The following PIGN variants were observed in gnomAD, a reference collection of about 807,000 sequenced individuals.
The protein encoded by PIGN is phosphatidylinositol glycan anchor biosynthesis class N.
PIGN carries 117 observed loss-of-function variants against 125.4 expected under a neutral mutation model. The ratio of observed to expected loss-of-function variants is 0.93; its 90% CI spans 0.80 to 1.09. The LOEUF is 1.09. Ranked by LOEUF, PIGN falls within the 50% of genes least tolerant of loss-of-function variation. The pLI, the probability that PIGN is intolerant of heterozygous loss-of-function variation, is 0.00. For missense variants in PIGN, 1,075 were observed against 1,094.9 expected, an observed-to-expected ratio of 0.98 and a Z score of 0.26; for synonymous variants, 392 against 377.8, an observed-to-expected ratio of 1.04 and a Z score of -0.44.
intron 13 of PIGN, 27 bp downstream of exon 13, chr18:62,138,956 G>T (rs749711966): frequency 1.7e-6 from 2 of 1,209,396 alleles, no homozygotes; most frequent in East Asian, 2.4e-5. Flanking sequence ...CCATTTTTGT[G>T]CGTGCCTTTT....
At chr18:62,084,666 T>A in intron 26 of PIGN, 60 bp from the exon 27 acceptor site, 1 of 1,054,822 alleles carries the variant, frequency 9.5e-7, no homozygotes, top group Middle Eastern at 2.0e-4. Flanking sequence ...TAAAAGAATA[T>A]TCTTCTAAAA....
At chr18:62,144,187 G>A (rs1238795853) in intron 10 of PIGN, among the ~76,000 whole-genome samples, 1 of 152,080 alleles carries the variant, frequency 6.6e-6, no homozygotes, top group Non-Finnish European at 1.5e-5. Context: ...ATTCTAAAAC[G>A]TCAATTCAAC....
At chr18:62,076,785 T>A (rs2033195053) in intron 28 of PIGN, among the ~76,000 whole-genome samples, 1 of 152,226 alleles carries the variant, frequency 6.6e-6, no homozygotes. Context: ...ACTGATCATA[T>A]CTTACTGAAG....
At chr18:62,091,703 G>A (rs1351925211) in intron 23 of PIGN, among the ~76,000 whole-genome samples, 1 of 152,128 alleles carries the variant, frequency 6.6e-6, no homozygotes, top group African/African-American at 2.4e-5. Flanking sequence ...AGTGATAGAA[G>A]CCTTTTCTAA....
chr18:62,062,882 CTT>C (rs71160811), intron 30 of PIGN, among the ~76,000 whole-genome samples: 1 of 21,066 alleles, frequency 4.7e-5, no homozygotes. Context: ...TTGTATTCTG[CTT>C]TTTTTTTTTT....
downstream of PIGN, among the ~76,000 whole-genome samples, chr18:62,038,345 G>C (rs1451610556): frequency 8.8e-6 from 1 of 114,134 alleles, no homozygotes; most frequent in Non-Finnish European, 1.6e-5. Flanking sequence ...ATTACTTACT[G>C]GGAGGTTACT....
intron 30 of PIGN, among the ~76,000 whole-genome samples, chr18:62,048,008 G>A (rs543311495): frequency 4.9e-4 from 75 of 152,220 alleles, no homozygotes; most frequent in African/African-American, 1.7e-3. Flanking sequence ...CAAAGAAGAT[G>A]TAAATAAGAA....
chr18:62,091,236 T>C (rs1258843325), intron 23 of PIGN, among the ~76,000 whole-genome samples: 2 of 151,872 alleles, frequency 1.3e-5, no homozygotes, highest in Admixed American at 1.3e-4. Flanking sequence ...CCCAGCTAAC[T>C]CGGGAGGCTG....
Position 62,045,123 on chromosome 18 carries a change from A to C in PIGN, c.*733T>G, listed in dbSNP as rs2091455813. The C allele has an allele frequency of 6.6e-6, 1 of 152,202 alleles. No homozygotes were observed. Among genetic ancestry groups the C allele is most frequent in the Admixed American group, 6.5e-5 (1 of 15,284 alleles). The allele number at this position is 152,202 out of a possible 1,614,324, so 9.4% of individuals were successfully genotyped here. On this transcript the variant is annotated 3_prime_UTR_variant, in exon 31 of 31. Coordinates refer to ENST00000640252, the MANE Select transcript of PIGN (RefSeq NM_176787.5). ...AACAGATGTTGAGCCTACAATTAAA[A>C]ACTATTTATTTTAAATGTTTTCCTA...
intron 25 of PIGN, 92 bp from the exon 26 acceptor site, chr18:62,085,356 T>A: frequency 1.2e-6 from 1 of 823,982 alleles, no homozygotes; most frequent in Non-Finnish European, 2.0e-6. Context: ...ACCTTGAGAG[T>A]AATTTGCTCT....
At chr18:62,132,599 T>C (rs1291283923) in intron 14 of PIGN, among the ~76,000 whole-genome samples, 1 of 152,110 alleles carries the variant, frequency 6.6e-6, no homozygotes, top group East Asian at 1.9e-4. Context: ...CCCAGCACTT[T>C]GGGAGGCCAA....
intron 30 of PIGN, among the ~76,000 whole-genome samples, chr18:62,046,966 A>G (rs913166678): frequency 1.2e-4 from 18 of 152,186 alleles, no homozygotes; most frequent in African/African-American, 4.3e-4. Flanking sequence ...CTTTTGCAGG[A>G]AGACAGCAGC....
intron 23 of PIGN, among the ~76,000 whole-genome samples, chr18:62,029,479 G>A (rs959797969): frequency 2.0e-5 from 3 of 152,180 alleles, no homozygotes; most frequent in African/African-American, 7.2e-5. Flanking sequence ...TGCATGAAAG[G>A]ACATTAAACT....
chr18:62,150,124 G>T (rs1482051729), intron 7 of PIGN, among the ~76,000 whole-genome samples: 1 of 152,106 alleles, frequency 6.6e-6, no homozygotes, highest in Non-Finnish European at 1.5e-5. Context: ...TGGGATTTCA[G>T]ACATGCACCA....
Position 62,167,736 on chromosome 18 carries a change from TAGTG to T in PIGN, c.-235-4084_-235-4081del, listed in dbSNP as rs562713584. ...TATACACACACACACAATAGAAGTG[TAGTG>T]ATAACTTATTGTAGATAATATATTA... On this transcript the variant is annotated intron_variant, in intron 1 of 30. Transcript: ENST00000640252. 1.2e-3 allele frequency among the ~76,000 whole-genome samples: 188 copies of T among 151,940 alleles called. 1 individual carries two copies. Among genetic ancestry groups the T allele is most frequent in the African/African-American group, 4.4e-3 (184 of 41,472 alleles).
intron 1 of PIGN, among the ~76,000 whole-genome samples, chr18:62,176,369 T>C (rs2037525515): frequency 6.6e-6 from 1 of 152,008 alleles, no homozygotes; most frequent in Non-Finnish European, 1.5e-5. Flanking sequence ...CATTGATAAA[T>C]GCTAAAATCA....
chr18:62,149,438 A>G (rs1411142866), intron 7 of PIGN, among the ~76,000 whole-genome samples: 1 of 152,224 alleles, frequency 6.6e-6, no homozygotes, highest in Non-Finnish European at 1.5e-5. Context: ...GAAAACAAAA[A>G]AACTGAGCAA....
At chr18:62,168,343 G>C (rs535037702) in intron 1 of PIGN, among the ~76,000 whole-genome samples, 1 of 152,234 alleles carries the variant, frequency 6.6e-6, no homozygotes, top group African/African-American at 2.4e-5. Context: ...AAAGTTACGA[G>C]AATGGTACAG....
chr18:62,056,522 A>T (rs79236714), intron 30 of PIGN, among the ~76,000 whole-genome samples: 2 of 1,520 alleles, frequency 1.3e-3, no homozygotes, highest in Non-Finnish European at 1.1e-3. Flanking sequence ...GCTTTTTTTT[A>T]AACCGAGAAA....
Sources: allele counts gnomAD v4.1 joint callset (sites outside exome capture counted in the v4.1 genomes callset), GRCh38; gene constraint gnomAD v4.1.1; transcripts MANE v1.5; gene names NCBI Gene and HGNC (gene_info 2026-07-23, HGNC 2026-07-21).